KIRREL3: variants seen among roughly 807,000 people sequenced by gnomAD.
The protein encoded by KIRREL3 is kin of IRRE-like protein 3.
Under a neutral mutation model 89.7 loss-of-function variants are expected in KIRREL3, and 36 were observed. The observed-to-expected ratio is 0.40, with a 90% CI of 0.31 to 0.53. KIRREL3 has a LOEUF of 0.53. KIRREL3 is among the 20% of genes least tolerant of loss of function. The probability of loss-of-function intolerance (pLI) is 0.49; values close to 1 mark genes in which losing one functional copy is unlikely to be tolerated. For synonymous variants in KIRREL3, 445 were observed against 441.4 expected (o/e 1.01, Z -0.10); for missense variants, 864 against 1,056.6 (o/e 0.82, Z 2.53).
Position 126,897,676 on chromosome 11 carries a change from T to C in KIRREL3, c.55+102779A>G, listed in dbSNP as rs1052956122. ...GCAAAGCTTATTTTCTGAAGATAGA[T>C]AATTTGGTTAAATCTTTTCCACTTT... On this transcript the variant is annotated intron_variant, in intron 1 of 16. Coordinates refer to ENST00000525144, the MANE Select transcript of KIRREL3 (RefSeq NM_032531.4). This position sits in a 1 kb window ranked among gnomAD's most constrained non-coding sequence, Gnocchi z 4.2. 6.6e-6 allele frequency among the ~76,000 whole-genome samples: 1 copy of C among 152,242 alleles called. No homozygotes were observed. Among genetic ancestry groups the C allele is most frequent in the African/African-American group, 2.4e-5 (1 of 41,466 alleles).
intron 1 of KIRREL3, among the ~76,000 whole-genome samples, chr11:126,790,528 T>C (rs907142099): frequency 1.3e-5 from 2 of 152,206 alleles, no homozygotes; most frequent in South Asian, 4.1e-4. Flanking sequence ...AGAATATAGT[T>C]AGTGCTCAAT....
chr11:126,743,843 G>C (rs1949055995), intron 1 of KIRREL3, among the ~76,000 whole-genome samples: 1 of 152,168 alleles, frequency 6.6e-6, no homozygotes, highest in African/African-American at 2.4e-5. Flanking sequence ...AGATTCCTGG[G>C]GTTTTAGGAG....
At position 126,529,750 on chromosome 11, in the gene KIRREL3, G is replaced by A. The variant is rs114477910; in HGVS notation, c.134-3063C>T. Among the ~76,000 whole-genome samples, 407 of 152,124 alleles carry A rather than the reference G, an allele frequency of 2.7e-3. 1 individual carries two copies. Among genetic ancestry groups the A allele is most frequent in the African/African-American group, 8.3e-3 (344 of 41,502 alleles). ...ACATGATTTACAAATTATTATTTTTGGGGATGGGAGACAGTACTCTAATTG... is the reference window on the plus strand; with the variant it reads ...ACATGATTTACAAATTATTATTTTTAGGGATGGGAGACAGTACTCTAATTG... On this transcript the variant is annotated intron_variant, in intron 2 of 16. Coordinates refer to ENST00000525144, the MANE Select transcript of KIRREL3 (RefSeq NM_032531.4).
At chr11:126,863,002 G>A (rs1327417040) in intron 1 of KIRREL3, among the ~76,000 whole-genome samples, 1 of 152,200 alleles carries the variant, frequency 6.6e-6, no homozygotes, top group Non-Finnish European at 1.5e-5. Context: ...TGAGTGACAA[G>A]GTGTTAATTC....
At position 126,635,446 on chromosome 11, in the gene KIRREL3, C is replaced by A. The variant is rs1944226379; in HGVS notation, c.56-72534G>T. On this transcript the variant is annotated intron_variant, in intron 1 of 16. Transcript: ENST00000525144. This position sits in a 1 kb window ranked among gnomAD's most constrained non-coding sequence, Gnocchi z 4.0. ...TAAAAGGGCTGGGCTGGTTGGCTGG[C>A]TCCAAGGCCCTCAGCACCTCTGGGC... Among the ~76,000 whole-genome samples, 1 of 152,210 alleles carries A rather than the reference C, an allele frequency of 6.6e-6. No homozygotes were observed. Among genetic ancestry groups the A allele is most frequent in the Non-Finnish European group, 1.5e-5 (1 of 68,038 alleles).
intron 10 of KIRREL3, among the ~76,000 whole-genome samples, chr11:126,444,693 T>C (rs748617093): frequency 1.5e-4 from 23 of 152,318 alleles, no homozygotes; most frequent in Admixed American, 3.3e-4. Context: ...GATGCTTTTT[T>C]TCCTGGCCAG....
rs775224258 is a variant in KIRREL3 at position 126,734,946 on chromosome 11, C to A, written c.56-172034G>T. Among the ~76,000 whole-genome samples the A allele has an allele frequency of 9.9e-5, 15 of 152,190 alleles. No homozygotes were observed. Among genetic ancestry groups the A allele is most frequent in the Non-Finnish European group, 1.6e-4 (11 of 68,042 alleles). On this transcript the variant is annotated intron_variant, in intron 1 of 16. Coordinates refer to ENST00000525144, the MANE Select transcript of KIRREL3 (RefSeq NM_032531.4). The surrounding 1 kb of genome is among the most constrained non-coding windows in gnomAD (Gnocchi z 5.9). The stretch of plus-strand genomic sequence containing the variant: ...TGTCTTCTGGTCCAGCTGTGCCTGG[C>A]TCCGACCAAGGGCAGGGTCAATGTG...
chr11:126,902,780 A>G (rs1334065458), intron 1 of KIRREL3, among the ~76,000 whole-genome samples: 1 of 152,222 alleles, frequency 6.6e-6, no homozygotes, highest in East Asian at 1.9e-4. Context: ...TAGTTCTTAC[A>G]GGGCTATAGT....
At chr11:126,800,876 A>G (rs1167264044) in intron 1 of KIRREL3, among the ~76,000 whole-genome samples, 3 of 152,230 alleles carry the variant, frequency 2.0e-5, no homozygotes, top group African/African-American at 7.2e-5. Flanking sequence ...ATGGTGGAGC[A>G]GAGTGGCTGC....
intron 7 of KIRREL3, among the ~76,000 whole-genome samples, chr11:126,450,775 G>C (rs563339783): frequency 6.6e-6 from 1 of 151,208 alleles, no homozygotes; most frequent in African/African-American, 2.4e-5. Context: ...GCATGTGTGA[G>C]GGTGTGCATC....
At chr11:126,745,140 C>T (rs191561378) in intron 1 of KIRREL3, among the ~76,000 whole-genome samples, 39 of 152,226 alleles carry the variant, frequency 2.6e-4, no homozygotes, top group African/African-American at 7.9e-4. Flanking sequence ...CAAATCCATC[C>T]CTAGTCTCCC....
rs1949915226 is a variant in KIRREL3 at position 126,768,399 on chromosome 11, C to A, written c.56-205487G>T. On this transcript the variant is annotated intron_variant, in intron 1 of 16. Transcript: ENST00000525144. The surrounding 1 kb of genome is among the most constrained non-coding windows in gnomAD (Gnocchi z 4.5). Reference sequence around the variant, plus strand: ...TATGCAGGCACTGCATGTCCCAGGTCTGGAAATGCCTATGAATCAGTCAGG... The same window carrying A: ...TATGCAGGCACTGCATGTCCCAGGTATGGAAATGCCTATGAATCAGTCAGG... 2.0e-5 allele frequency among the ~76,000 whole-genome samples: 3 copies of A among 152,230 alleles called. No individual in the cohort carries two copies. Among genetic ancestry groups the A allele is most frequent in the Admixed American group, 2.0e-4 (3 of 15,282 alleles).
chr11:126,456,405 G>T lies in KIRREL3; in HGVS notation c.792C>A (p.Asp264Glu). ...LSVEPQPVLE[D>E]NVVTFHCSAK... ...CAGAGCAGTGGAAAGTGACGACGTT[G>T]TCCTCCAGCACTGGCTGTGGCTCCA... Residue 264 changes from aspartate to glutamate, a missense_variant, in exon 7 of 17, where the codon GAC (aspartate) becomes GAA (glutamate). Asp to Glu is a conservative substitution (Grantham distance 45, BLOSUM62 2). Transcript: ENST00000525144. 6.3e-7 allele frequency: 1 copy of T among 1,594,226 alleles called. No homozygotes were observed. The highest frequency in any genetic ancestry group is 1.7e-4 in the Middle Eastern group (1 of 6,042).
intron 1 of KIRREL3, among the ~76,000 whole-genome samples, chr11:126,899,017 G>A (rs1000738637): frequency 2.6e-5 from 4 of 150,994 alleles, no homozygotes; most frequent in Non-Finnish European, 5.9e-5. Flanking sequence ...TTTGGGGGGG[G>A]TCTCTCGCAT....
At chr11:126,552,151 T>A (rs1939315987) in intron 2 of KIRREL3, among the ~76,000 whole-genome samples, 1 of 152,250 alleles carries the variant, frequency 6.6e-6, no homozygotes, top group South Asian at 2.1e-4. Context: ...CAGGTATTAT[T>A]CCTCATTTTC....
At chr11:126,472,703 G>GGAGAGAGAGAGAGAGA (rs56276959) in intron 5 of KIRREL3, among the ~76,000 whole-genome samples, 6,187 of 133,934 alleles carry the variant, frequency 0.046, 235 homozygotes, top group Middle Eastern at 0.11. Context: ...AGGACATAGA[G>GGAGAGAGAGAGAGAGA]GAGAGAGAGA....
In KIRREL3 at chr11:126,430,860, A is replaced by T; in HGVS notation, c.1696+559T>A. Reference sequence around the variant, plus strand: ...CCTGTTCTCTGCCATCCAATCTCTCACACGTTATCTCCTCGGTGCACGCAA... The same window carrying T: ...CCTGTTCTCTGCCATCCAATCTCTCTCACGTTATCTCCTCGGTGCACGCAA... On this transcript the variant is annotated intron_variant, in intron 14 of 16. Coordinates refer to ENST00000525144, the MANE Select transcript of KIRREL3 (RefSeq NM_032531.4). The surrounding 1 kb of genome is among the most constrained non-coding windows in gnomAD (Gnocchi z 6.6). 2.0e-6 allele frequency: 1 copy of T among 502,480 alleles called. No individual in the cohort carries two copies. The highest frequency in any genetic ancestry group is 2.6e-6 in the Non-Finnish European group (1 of 386,052). 31.1% of individuals were successfully genotyped at this position (502,480 alleles called of 1,614,324 possible). A position where few individuals can be genotyped will look rare whatever the true frequency, so the allele number is the denominator to read the frequency against.
rs375724006 is a variant in KIRREL3, at chr11:126,788,209, G to C, written c.55+212246C>G. Among the ~76,000 whole-genome samples the C allele has an allele frequency of 6.6e-6, 1 of 152,320 alleles. No individual in the cohort carries two copies. The highest frequency in any genetic ancestry group is 2.4e-5 in the African/African-American group (1 of 41,572). On this transcript the variant is annotated intron_variant, in intron 1 of 16. Coordinates refer to ENST00000525144, the MANE Select transcript of KIRREL3 (RefSeq NM_032531.4). The surrounding 1 kb of genome is among the most constrained non-coding windows in gnomAD (Gnocchi z 4.1). ...CAAATGCACAATCTGGAAGGAAATC[G>C]TTTCTAACCATCTCTTTTTCATTCC... is the stretch of plus-strand genomic sequence containing the variant.
chr11:126,640,616 A>AAG lies in KIRREL3; in HGVS notation c.56-77705_56-77704insCT, dbSNP rs199539255. Among the ~76,000 whole-genome samples, 3,576 of 152,214 alleles carry AAG rather than the reference A, an allele frequency of 0.023. 40 individuals are homozygous for AAG. Among genetic ancestry groups the AAG allele is most frequent in the Middle Eastern group, 0.088 (26 of 294 alleles). On this transcript the variant is annotated intron_variant, in intron 1 of 16. Transcript: ENST00000525144. This position sits in a 1 kb window ranked among gnomAD's most constrained non-coding sequence, Gnocchi z 4.9. Reference sequence around the variant, plus strand: ...AATACACCTCATAGCATTTAGTCTGAACCTTACAGCATGGTCTTAAAGAGA... The same window carrying AAG: ...AATACACCTCATAGCATTTAGTCTGAAGACCTTACAGCATGGTCTTAAAGAGA...
Sources: gnomAD v4.1 joint callset for allele counts (sites outside exome capture counted in the v4.1 genomes callset) on GRCh38, gnomAD v4.1.1 for gene constraint, Gnocchi (gnomAD v3.1) non-coding constraint, MANE v1.5 for transcripts, NCBI Gene and HGNC (gene_info 2026-07-23, HGNC 2026-07-21) for gene names.